ASB5: variants seen among roughly 807,000 people sequenced by gnomAD.
The protein encoded by ASB5 is ankyrin repeat and SOCS box containing 5.
ASB5 carries 45 observed loss-of-function variants against 42.1 expected under a neutral mutation model. That is an observed-to-expected ratio of 1.07 (90% CI 0.84 to 1.37). The LOEUF is 1.37. Among genes scored for constraint, ASB5 ranks in the 40% most tolerant of loss-of-function variants. The probability of loss-of-function intolerance (pLI) is 0.00; values close to 1 mark genes in which losing one functional copy is unlikely to be tolerated. For missense variants in ASB5, 402 were observed against 399.8 expected, an observed-to-expected ratio of 1.01 and a Z score of -0.05; for synonymous variants, 147 against 150.6, an observed-to-expected ratio of 0.98 and a Z score of 0.18.
At chr4:176,259,678 C>T (rs1196488444) in intron 1 of ASB5, among the ~76,000 whole-genome samples, 1 of 152,164 alleles carries the variant, frequency 6.6e-6, no homozygotes, top group Non-Finnish European at 1.5e-5. Flanking sequence ...AATGGATGGG[C>T]CTTCACTTAA....
intron 1 of ASB5, among the ~76,000 whole-genome samples, chr4:176,235,776 G>T (rs1034163455): frequency 2.7e-5 from 4 of 150,792 alleles, no homozygotes; most frequent in Non-Finnish European, 4.4e-5. Flanking sequence ...TCTAGTGAAA[G>T]TTTGCTAAGA....
chr4:176,233,530 A>T (rs1204195270), intron 1 of ASB5, among the ~76,000 whole-genome samples: 1 of 152,128 alleles, frequency 6.6e-6, no homozygotes, highest in Non-Finnish European at 1.5e-5. Flanking sequence ...ATTTCCCTCC[A>T]TCACCTGGTA....
upstream of ASB5, among the ~76,000 whole-genome samples, chr4:176,271,811 T>C (rs1560824241): frequency 6.6e-6 from 1 of 152,130 alleles, no homozygotes; most frequent in Non-Finnish European, 1.5e-5. Context: ...AAGTTAATTA[T>C]AAAGAACAAC....
chr4:176,251,107 A>G (rs1182829416), intron 1 of ASB5, among the ~76,000 whole-genome samples: 1 of 151,978 alleles, frequency 6.6e-6, no homozygotes. Context: ...TGTAAGAACC[A>G]TCTTACACAT....
intron 1 of ASB5, among the ~76,000 whole-genome samples, chr4:176,240,083 G>A (rs934379669): frequency 6.6e-6 from 1 of 152,156 alleles, no homozygotes; most frequent in African/African-American, 2.4e-5. Flanking sequence ...ATCTGTGATT[G>A]TACCTGTAAG....
intron 1 of ASB5, among the ~76,000 whole-genome samples, chr4:176,249,968 G>A (rs193069448): frequency 0.027 from 4,116 of 151,648 alleles, 194 homozygotes; most frequent in African/African-American, 0.093. Flanking sequence ...GGGAGGCTGA[G>A]GCAGGAGAAT....
chr4:176,216,112 G>T (rs889566123), intron 6 of ASB5, among the ~76,000 whole-genome samples: 2 of 151,888 alleles, frequency 1.3e-5, no homozygotes, highest in Non-Finnish European at 2.9e-5. Flanking sequence ...TATAGTCCCT[G>T]GACTAGGATT....
At chr4:176,248,641 T>C (rs180844335) in intron 1 of ASB5, among the ~76,000 whole-genome samples, 18 of 152,274 alleles carry the variant, frequency 1.2e-4, no homozygotes, top group African/African-American at 4.1e-4. Context: ...AAATTGGTAA[T>C]GGAATTTACA....
intron 2 of ASB5, among the ~76,000 whole-genome samples, chr4:176,275,015 A>T (rs1423608027): frequency 6.7e-6 from 1 of 150,282 alleles, no homozygotes; most frequent in Admixed American, 6.7e-5. Context: ...CCCAGGTTCA[A>T]GCGATTCTCC....
intron 1 of ASB5, among the ~76,000 whole-genome samples, chr4:176,259,510 T>G (rs1177982756): frequency 6.6e-6 from 1 of 152,198 alleles, no homozygotes; most frequent in African/African-American, 2.4e-5. Flanking sequence ...GTTTCCATGG[T>G]CATTATTTAA....
chr4:176,256,910 A>T (rs1754167980), intron 1 of ASB5, among the ~76,000 whole-genome samples: 1 of 152,130 alleles, frequency 6.6e-6, no homozygotes, highest in Non-Finnish European at 1.5e-5. Context: ...GCACTCCAAG[A>T]AAAAAAGAAA....
intron 1 of ASB5, among the ~76,000 whole-genome samples, chr4:176,228,785 A>G (rs1219254302): frequency 6.6e-6 from 1 of 152,214 alleles, no homozygotes; most frequent in East Asian, 1.9e-4. Context: ...TGCAAACGTT[A>G]TCATCATAAA....
At chr4:176,224,386 C>A (rs2126947983) in intron 2 of ASB5, among the ~76,000 whole-genome samples, 1 of 152,148 alleles carries the variant, frequency 6.6e-6, no homozygotes, top group African/African-American at 2.4e-5. Flanking sequence ...AGGTGCAAGC[C>A]ACCATGCCCG....
At chr4:176,236,840 CAT>C (rs1367748800) in intron 1 of ASB5, among the ~76,000 whole-genome samples, 2 of 152,146 alleles carry the variant, frequency 1.3e-5, no homozygotes, top group Non-Finnish European at 2.9e-5. Flanking sequence ...TTCTATCTTT[CAT>C]AGTTTTCTAT....
At chr4:176,257,521 A>G (rs186375993) in intron 1 of ASB5, among the ~76,000 whole-genome samples, 1 of 152,280 alleles carries the variant, frequency 6.6e-6, no homozygotes, top group African/African-American at 2.4e-5. Context: ...CTCCAATCCT[A>G]TGGAACAGCT....
At chr4:176,226,707 C>A (rs1472292632) in intron 1 of ASB5, among the ~76,000 whole-genome samples, 1 of 152,180 alleles carries the variant, frequency 6.6e-6, no homozygotes, top group Non-Finnish European at 1.5e-5. Context: ...CATTGAACCC[C>A]TCCTCTCAAT....
In ASB5 at chr4:176,225,296, C is replaced by T. The variant is rs1027021816; in HGVS notation, c.242G>A (p.Gly81Asp). The part of the protein sequence containing the change: ...RSPLHEAASQ[G>D]RLLALRTLLS... The stretch of plus-strand genomic sequence containing the variant: ...TAATGTTCTCAGAGCAAGAAGGCGA[C>T]CTTGACTTGCTGCTTCATGTAGTGG... Residue 81 changes from glycine (G) to aspartate (D), a missense_variant, in exon 2 of 7, where the codon GGT (glycine) becomes GAT (aspartate). Transcript: ENST00000296525. 2 of 1,613,880 alleles carry T rather than the reference C, an allele frequency of 1.2e-6. No homozygotes were observed. Among genetic ancestry groups the T allele is most frequent in the Non-Finnish European group, 1.7e-6 (2 of 1,179,968 alleles).
At chr4:176,273,443 T>C (rs1754511566), upstream of ASB5, among the ~76,000 whole-genome samples, 1 of 152,188 alleles carries the variant, frequency 6.6e-6, no homozygotes, top group South Asian at 2.1e-4. Flanking sequence ...TTTTTTTTGT[T>C]TTGTGAAATC....
chr4:176,248,979 T>A (rs543046456), intron 1 of ASB5, among the ~76,000 whole-genome samples: 18 of 152,322 alleles, frequency 1.2e-4, no homozygotes, highest in Admixed American at 9.1e-4. Flanking sequence ...TTTGTTTTGC[T>A]TTTTTGAGAC....
Sources: allele counts gnomAD v4.1 joint callset (sites outside exome capture counted in the v4.1 genomes callset), GRCh38; gene constraint gnomAD v4.1.1; transcripts MANE v1.5; gene names NCBI Gene and HGNC (gene_info 2026-07-23, HGNC 2026-07-21).